MAF: variants seen among roughly 807,000 people sequenced by gnomAD.
MAF encodes the protein MAF bZIP transcription factor, also known as transcription factor Maf.
A neutral mutation model predicts 22.0 loss-of-function variants in MAF; 10 were observed. The ratio of observed to expected loss-of-function variants is 0.45; its 90% CI spans 0.28 to 0.77. The LOEUF (loss-of-function observed/expected upper bound fraction) is 0.77. MAF is among the 30% of genes least tolerant of loss of function. MAF has a pLI of 0.12. For missense variants in MAF, 544 were observed against 548.4 expected (o/e 0.99, Z 0.08); for synonymous variants, 337 against 255.8 (o/e 1.32, Z -3.03).
the MAF span, among the ~76,000 whole-genome samples, chr16:79,420,756 G>A: frequency 6.6e-6 from 1 of 152,228 alleles, no homozygotes. Flanking sequence ...GAGGCTTGAC[G>A]CGGTGGCTCA....
the MAF span, among the ~76,000 whole-genome samples, chr16:79,387,713 T>C: frequency 6.6e-6 from 1 of 152,218 alleles, no homozygotes; most frequent in Admixed American, 6.5e-5. Context: ...AGTTCTAATG[T>C]TTATATTGAG....
At chr16:79,451,928 T>C in the MAF span, among the ~76,000 whole-genome samples, 18 of 152,216 alleles carry the variant, frequency 1.2e-4, no homozygotes, top group Admixed American at 1.2e-3. Context: ...CTTACATGTG[T>C]GCAGAGTCTC....
the MAF span, among the ~76,000 whole-genome samples, chr16:79,439,817 G>A: frequency 7.3e-4 from 111 of 152,278 alleles, 1 homozygote; most frequent in South Asian, 0.022. Context: ...GTCACGGGAT[G>A]GAAACGACCG....
At chr16:79,380,012 G>A in the MAF span, among the ~76,000 whole-genome samples, 1 of 152,168 alleles carries the variant, frequency 6.6e-6, no homozygotes, top group South Asian at 2.1e-4. Context: ...CTGCTTCAAG[G>A]TCCAGGTAAC....
At chr16:79,423,353 C>G in the MAF span, among the ~76,000 whole-genome samples, 1 of 152,068 alleles carries the variant, frequency 6.6e-6, no homozygotes, top group Non-Finnish European at 1.5e-5. Context: ...AGGAGGCCAG[C>G]GTGTCCAAGA....
the MAF span, among the ~76,000 whole-genome samples, chr16:79,407,629 C>T: frequency 3.2e-4 from 49 of 152,074 alleles, no homozygotes; most frequent in Non-Finnish European, 4.9e-4. Flanking sequence ...TTAGGAAGTC[C>T]CCCTGGTAAT....
chr16:79,526,409 G>A, the MAF span, among the ~76,000 whole-genome samples: 2 of 152,310 alleles, frequency 1.3e-5, no homozygotes, highest in South Asian at 4.1e-4. Context: ...TGGCGGTAAT[G>A]GGAGTGATGG....
At chr16:79,404,580 G>T in the MAF span, among the ~76,000 whole-genome samples, 1 of 152,250 alleles carries the variant, frequency 6.6e-6, no homozygotes, top group Admixed American at 6.5e-5. Flanking sequence ...GGGTGCCGCA[G>T]AGTCAATGAA....
chr16:79,221,506 T>C, the MAF span, among the ~76,000 whole-genome samples: 3 of 152,220 alleles, frequency 2.0e-5, no homozygotes, highest in Non-Finnish European at 4.4e-5. Flanking sequence ...ATGTTCAATC[T>C]GAATAGCAAA....
chr16:79,284,177 C>A, the MAF span, among the ~76,000 whole-genome samples: 3 of 152,140 alleles, frequency 2.0e-5, no homozygotes, highest in African/African-American at 7.2e-5. Flanking sequence ...CGCCCAGGAG[C>A]TTAAAGCAAA....
the MAF span, among the ~76,000 whole-genome samples, chr16:79,536,289 G>A: frequency 3.9e-5 from 6 of 152,252 alleles, no homozygotes; most frequent in Non-Finnish European, 7.3e-5. Flanking sequence ...CATGCAGTCA[G>A]CCTTCCATAT....
chr16:79,339,768 A>G, the MAF span, among the ~76,000 whole-genome samples: 1 of 152,196 alleles, frequency 6.6e-6, no homozygotes, highest in Non-Finnish European at 1.5e-5. Flanking sequence ...ACAAAGTACA[A>G]TTTCAAGATG....
the MAF span, among the ~76,000 whole-genome samples, chr16:79,443,354 C>T: frequency 0.013 from 1,904 of 152,236 alleles, 45 homozygotes; most frequent in African/African-American, 0.044. Context: ...GTTGACCAAT[C>T]AGAAGATGGT....
chr16:79,544,353 G>T, the MAF span, among the ~76,000 whole-genome samples: 1 of 152,160 alleles, frequency 6.6e-6, no homozygotes, highest in African/African-American at 2.4e-5. Flanking sequence ...GCACAACACA[G>T]ATCTAGAAGA....
At chr16:79,287,104 C>G in the MAF span, among the ~76,000 whole-genome samples, 1 of 148,076 alleles carries the variant, frequency 6.8e-6, no homozygotes, top group Non-Finnish European at 1.5e-5. Flanking sequence ...TTGTCCTCCA[C>G]GTACTCTGCC....
chr16:79,469,047 C>G, the MAF span, among the ~76,000 whole-genome samples: 4 of 152,140 alleles, frequency 2.6e-5, no homozygotes, highest in Non-Finnish European at 5.9e-5. Context: ...TATTCCTTAG[C>G]CACCCCACAC....
the MAF span, among the ~76,000 whole-genome samples, chr16:79,260,207 G>A: frequency 0.72 from 109,945 of 152,106 alleles, 40,475 homozygotes; most frequent in Non-Finnish European, 0.79. Context: ...CTGGAGTGCA[G>A]TGGTGCAGTC....
the MAF span, among the ~76,000 whole-genome samples, chr16:79,314,554 C>T: frequency 1.3e-5 from 2 of 152,114 alleles, no homozygotes; most frequent in African/African-American, 4.8e-5. Context: ...GGAGGGGCTT[C>T]CTAAGGGGAT....
the MAF span, among the ~76,000 whole-genome samples, chr16:79,520,223 T>C: frequency 2.6e-5 from 4 of 152,206 alleles, no homozygotes; most frequent in Non-Finnish European, 5.9e-5. Flanking sequence ...GGCCATCTTA[T>C]ATAATTCAGA....
Sources: gnomAD v4.1 joint callset for allele counts (sites outside exome capture counted in the v4.1 genomes callset) on GRCh38, gnomAD v4.1.1 for gene constraint, MANE v1.5 for transcripts, NCBI Gene and HGNC (gene_info 2026-07-23, HGNC 2026-07-21) for gene names.